The following EFHC1 variants were observed in gnomAD, a reference collection of about 807,000 sequenced individuals.
The protein encoded by EFHC1 is EF-hand domain-containing protein 1.
In EFHC1, 53 loss-of-function variants were observed where a neutral mutation model predicts 69.9. The ratio of observed to expected loss-of-function variants is 0.76; its 90% confidence interval spans 0.61 to 0.95. The LOEUF is 0.95. Among genes scored for constraint, EFHC1 ranks in the 40% least tolerant of loss-of-function variants. EFHC1 has a pLI of 0.00. For missense variants in EFHC1, 739 were observed against 798.7 expected, an observed-to-expected ratio of 0.93 and a Z score of 0.90; for synonymous variants, 256 against 278.4, an observed-to-expected ratio of 0.92 and a Z score of 0.80.
intron 7 of EFHC1, among the ~76,000 whole-genome samples, chr6:52,477,775 A>G (rs1223309258): frequency 2.0e-5 from 3 of 152,214 alleles, no homozygotes; most frequent in African/African-American, 7.2e-5. Flanking sequence ...GTCAGGAAAC[A>G]ACAGGTGCTG....
intron 5 of EFHC1, among the ~76,000 whole-genome samples, chr6:52,462,111 A>G (rs1007981740): frequency 2.6e-5 from 4 of 151,932 alleles, no homozygotes; most frequent in Non-Finnish European, 4.4e-5. Flanking sequence ...TGCTTACCCA[A>G]CACCCAATTT....
chr6:52,446,036 G>C (rs1026511905), intron 3 of EFHC1, among the ~76,000 whole-genome samples: 1 of 152,196 alleles, frequency 6.6e-6, no homozygotes. Context: ...TGTATATTCT[G>C]TTGATTTGGG....
intron 9 of EFHC1, among the ~76,000 whole-genome samples, chr6:52,480,785 C>T (rs1293153046): frequency 6.6e-6 from 1 of 152,122 alleles, no homozygotes; most frequent in East Asian, 1.9e-4. Flanking sequence ...TTAAAGTACT[C>T]AAGGAACATT....
intron 2 of EFHC1, chr6:52,429,904 T>C (rs1006688516): frequency 2.0e-5 from 3 of 152,170 alleles, no homozygotes; most frequent in African/African-American, 7.2e-5. Context: ...GTTTTCCTTG[T>C]AGAGGTCTTT....
chr6:52,488,274 C>T (rs936276153), intron 9 of EFHC1: 1 of 152,140 alleles, frequency 6.6e-6, no homozygotes, highest in Non-Finnish European at 1.5e-5. Flanking sequence ...GAATTACATT[C>T]ATCAGATAAA....
intron 9 of EFHC1, chr6:52,486,060 A>G (rs1047593068): frequency 6.6e-6 from 1 of 152,048 alleles, no homozygotes; most frequent in Non-Finnish European, 1.5e-5. Context: ...TTAGCTCCCG[A>G]CTCACCCATC....
intron 3 of EFHC1, among the ~76,000 whole-genome samples, chr6:52,446,345 G>T (rs553318778): frequency 3.9e-4 from 60 of 152,160 alleles, no homozygotes; most frequent in Non-Finnish European, 4.0e-4. Context: ...GATCTTTCTT[G>T]GTTTAAAGTC....
intron 3 of EFHC1, among the ~76,000 whole-genome samples, chr6:52,448,674 G>A (rs1041064882): frequency 4.6e-5 from 7 of 152,078 alleles, no homozygotes; most frequent in African/African-American, 1.2e-4. Context: ...GTTCCTGTTC[G>A]GCCATCCTGG....
chr6:52,442,022 G>A (rs1764675752), intron 3 of EFHC1, among the ~76,000 whole-genome samples: 1 of 152,100 alleles, frequency 6.6e-6, no homozygotes, highest in Non-Finnish European at 1.5e-5. Flanking sequence ...GAGTTTTCTA[G>A]ATATAGAATC....
intron 3 of EFHC1, among the ~76,000 whole-genome samples, chr6:52,446,034 C>T (rs1486582308): frequency 6.6e-6 from 1 of 152,182 alleles, no homozygotes; most frequent in East Asian, 1.9e-4. Flanking sequence ...AATGTATATT[C>T]TGTTGATTTG....
chr6:52,460,138 A>G (rs1765132394), intron 5 of EFHC1, among the ~76,000 whole-genome samples: 1 of 152,210 alleles, frequency 6.6e-6, no homozygotes, highest in African/African-American at 2.4e-5. Context: ...AAGAATGCAA[A>G]TGTCTATTAA....
rs1392744810 is a variant in EFHC1, at chr6:52,494,038, T to C, written c.*1697T>C. 2 of 453,122 alleles carry C rather than the reference T, an allele frequency of 4.4e-6. No individual in the cohort carries two copies. Among genetic ancestry groups the C allele is most frequent in the Non-Finnish European group, 8.8e-6 (2 of 226,684 alleles). 28.1% of individuals were successfully genotyped at this position (453,122 alleles called of 1,614,324 possible). ...AGGTTATTATCTTGGGAATAACCCA[T>C]GTTTTGTTTTGTTTTACCCTCAGTC... On this transcript the variant is annotated 3_prime_UTR_variant, in exon 11 of 11. Coordinates refer to ENST00000371068, the MANE Select transcript of EFHC1 (RefSeq NM_018100.4).
chr6:52,463,064 G>C (rs568456596), intron 5 of EFHC1, among the ~76,000 whole-genome samples: 17 of 151,922 alleles, frequency 1.1e-4, no homozygotes, highest in Middle Eastern at 3.4e-3. Flanking sequence ...GTCTCTCTCT[G>C]TCGCCCAGGC....
chr6:52,479,567 G>A (rs1765625431), intron 8 of EFHC1, 73 bp from the exon 9 acceptor site: 1 of 1,595,792 alleles, frequency 6.3e-7, no homozygotes, highest in Non-Finnish European at 8.6e-7. Flanking sequence ...ATCATTGGAG[G>A]GTTAATACTA....
intron 3 of EFHC1, among the ~76,000 whole-genome samples, chr6:52,440,050 G>C (rs190246373): frequency 6.6e-6 from 1 of 152,050 alleles, no homozygotes; most frequent in Non-Finnish European, 1.5e-5. Flanking sequence ...ATCACTGAGC[G>C]TTTGACCTAA....
At position 52,490,230 on chromosome 6, in the gene EFHC1, C is replaced by T. The variant is rs200287561; in HGVS notation, c.1731C>T (p.Asp577=). The change falls in exon 10 of 11, where the codon GAC becomes GAT. Residue 577 remains aspartate, a synonymous_variant. Transcript: ENST00000371068. ...QKQLKDHSCK[D]NIREAFQIYD... is the part of the protein sequence containing the mutation. The stretch of plus-strand genomic sequence containing the variant: ...AACTGAAAGATCACTCATGCAAAGA[C>T]AACATTCGTGAGGCATTTCAAATTT... 1.2e-6 allele frequency: 2 copies of T among 1,614,118 alleles called. No homozygotes were observed. Among genetic ancestry groups the T allele is most frequent in the Admixed American group, 1.7e-5 (1 of 60,018 alleles).
chr6:52,465,666 G>A (rs760401614), intron 6 of EFHC1, among the ~76,000 whole-genome samples: 3 of 151,570 alleles, frequency 2.0e-5, no homozygotes, highest in Non-Finnish European at 4.4e-5. Context: ...AATTAGCCGA[G>A]TGTAGTGGTG....
At chr6:52,441,544 C>T (rs757300404) in intron 3 of EFHC1, among the ~76,000 whole-genome samples, 15 of 152,022 alleles carry the variant, frequency 9.9e-5, no homozygotes, top group Non-Finnish European at 2.9e-5. Context: ...ATGATGCCTC[C>T]AGCTTTGTTC....
chr6:52,436,090 T>C (rs1021459984), intron 2 of EFHC1, among the ~76,000 whole-genome samples: 15 of 152,198 alleles, frequency 9.9e-5, no homozygotes, highest in Admixed American at 1.3e-4. Context: ...ATTTTATGTA[T>C]TTATAAATAT....
Sources: allele counts gnomAD v4.1 joint callset (sites outside exome capture counted in the v4.1 genomes callset), GRCh38; gene constraint gnomAD v4.1.1; transcripts MANE v1.5; gene names NCBI Gene and HGNC (gene_info 2026-07-23, HGNC 2026-07-21).